The following PRKN variants were observed in gnomAD, a reference collection of about 807,000 sequenced individuals.
PRKN encodes E3 ubiquitin-protein ligase parkin.
A neutral mutation model predicts 59.5 loss-of-function variants in PRKN; 56 were observed. The observed-to-expected ratio is 0.94, with a 90% CI of 0.76 to 1.18. The LOEUF is 1.18. Among genes scored for constraint, PRKN ranks in the 50% most tolerant of loss-of-function variants. PRKN has a pLI of 0.00. For missense variants in PRKN, 657 were observed against 596.4 expected (o/e 1.10, Z -1.06); for synonymous variants, 250 against 222.1 (o/e 1.13, Z -1.12).
intron 2 of PRKN, among the ~76,000 whole-genome samples, chr6:162,396,772 A>T (rs537019403): frequency 6.6e-6 from 1 of 152,244 alleles, no homozygotes; most frequent in African/African-American, 2.4e-5. Flanking sequence ...ACACACATTT[A>T]TACAAAAGAA....
intron 2 of PRKN, among the ~76,000 whole-genome samples, chr6:162,400,213 A>C (rs1562734297): frequency 6.6e-6 from 1 of 152,050 alleles, no homozygotes; most frequent in African/African-American, 2.4e-5. Context: ...TCTCAAGAAA[A>C]AAACAAACAA....
At chr6:162,565,993 C>A (rs566611176) in intron 1 of PRKN, among the ~76,000 whole-genome samples, 1 of 152,026 alleles carries the variant, frequency 6.6e-6, no homozygotes, top group Admixed American at 6.6e-5. Flanking sequence ...AAAAAGGTCA[C>A]TATATAATGA....
intron 7 of PRKN, among the ~76,000 whole-genome samples, chr6:161,707,800 C>A (rs372358578): frequency 6.6e-6 from 1 of 152,260 alleles, no homozygotes; most frequent in African/African-American, 2.4e-5. Flanking sequence ...CCTACACCTC[C>A]GTCACTGCCT....
intron 1 of PRKN, among the ~76,000 whole-genome samples, chr6:162,648,928 G>A (rs893407987): frequency 6.6e-6 from 1 of 152,086 alleles, no homozygotes; most frequent in Admixed American, 6.5e-5. Flanking sequence ...AAACTTGGGG[G>A]TCCTCATCTA....
chr6:161,619,840 T>G (rs1429931825), intron 7 of PRKN, among the ~76,000 whole-genome samples: 1 of 152,176 alleles, frequency 6.6e-6, no homozygotes, highest in Non-Finnish European at 1.5e-5. Flanking sequence ...TCTCAATAAT[T>G]TTTACATCGA....
chr6:162,512,894 T>C (rs961226039), intron 1 of PRKN, among the ~76,000 whole-genome samples: 1 of 152,220 alleles, frequency 6.6e-6, no homozygotes, highest in Non-Finnish European at 1.5e-5. Flanking sequence ...AAGATCAGTC[T>C]AGCATACGGT....
intron 9 of PRKN, among the ~76,000 whole-genome samples, chr6:161,490,548 G>A (rs1003648849): frequency 2.0e-5 from 3 of 151,798 alleles, no homozygotes; most frequent in Admixed American, 1.3e-4. Flanking sequence ...GCACCACCAC[G>A]CTCAGCTAAT....
intron 5 of PRKN, among the ~76,000 whole-genome samples, chr6:161,994,187 TA>T (rs754123639): frequency 1.4e-5 from 2 of 145,488 alleles, no homozygotes; most frequent in Non-Finnish European, 3.0e-5. Context: ...AACAGATCAA[TA>T]AATGTGATAC....
chr6:161,542,664 T>C (rs1300310684), intron 9 of PRKN, among the ~76,000 whole-genome samples: 1 of 152,214 alleles, frequency 6.6e-6, no homozygotes, highest in Non-Finnish European at 1.5e-5. Flanking sequence ...ACTTTCTTTT[T>C]TAAAATGCTC....
chr6:161,856,998 G>A (rs1793683657), intron 6 of PRKN, among the ~76,000 whole-genome samples: 1 of 55,786 alleles, frequency 1.8e-5, no homozygotes, highest in Non-Finnish European at 4.0e-5. Context: ...GGGAGGCTGA[G>A]GCAGGTGGAT....
intron 2 of PRKN, among the ~76,000 whole-genome samples, chr6:162,336,961 G>C (rs1292525278): frequency 1.3e-5 from 2 of 152,154 alleles, no homozygotes; most frequent in African/African-American, 4.8e-5. Flanking sequence ...GGATTTTCTG[G>C]CTGTCCAGTT....
At chr6:161,975,145 G>C (rs1260628755) in intron 5 of PRKN, among the ~76,000 whole-genome samples, 2 of 149,296 alleles carry the variant, frequency 1.3e-5, no homozygotes, top group Non-Finnish European at 3.0e-5. Context: ...GAGTGCAGTG[G>C]CGCGATCTCA....
chr6:162,485,264 T>C (rs1792488966), intron 1 of PRKN, among the ~76,000 whole-genome samples: 1 of 152,180 alleles, frequency 6.6e-6, no homozygotes, highest in Non-Finnish European at 1.5e-5. Flanking sequence ...AGAGGAATGG[T>C]ACGTATTATT....
intron 7 of PRKN, among the ~76,000 whole-genome samples, chr6:161,606,997 T>C (rs368140233): frequency 1.2e-3 from 181 of 152,338 alleles, no homozygotes; most frequent in African/African-American, 4.2e-3. Flanking sequence ...GGGAATTACA[T>C]GGATGACTGC....
At chr6:161,887,314 C>T (rs1795190568) in intron 6 of PRKN, among the ~76,000 whole-genome samples, 1 of 152,080 alleles carries the variant, frequency 6.6e-6, no homozygotes, top group African/African-American at 2.4e-5. Flanking sequence ...AGATGCTGAG[C>T]AAAGAAATTA....
chr6:161,722,393 TCTC>T (rs1406307890), intron 7 of PRKN, among the ~76,000 whole-genome samples: 1 of 152,154 alleles, frequency 6.6e-6, no homozygotes, highest in Non-Finnish European at 1.5e-5. Flanking sequence ...AGCACAGAGT[TCTC>T]CTCCTAACAC....
chr6:162,005,179 A>G (rs1156535053), intron 5 of PRKN, among the ~76,000 whole-genome samples: 4 of 152,218 alleles, frequency 2.6e-5, no homozygotes, highest in African/African-American at 7.2e-5. Flanking sequence ...AAATGACAAC[A>G]TATTTCAAGC....
chr6:161,887,158 T>G (rs1028154846), intron 6 of PRKN, among the ~76,000 whole-genome samples: 8 of 152,216 alleles, frequency 5.3e-5, no homozygotes, highest in African/African-American at 1.9e-4. Flanking sequence ...ACATAGTTTC[T>G]TGCATTAAAA....
At chr6:162,185,313 G>A (rs6934514) in intron 4 of PRKN, among the ~76,000 whole-genome samples, 96,772 of 151,968 alleles carry the variant, frequency 0.64, 31,870 homozygotes, top group Non-Finnish European at 0.73. Context: ...ATAAACTTGA[G>A]TAATATATAG....
Sources: allele counts gnomAD v4.1 joint callset (sites outside exome capture counted in the v4.1 genomes callset), GRCh38; gene constraint gnomAD v4.1.1; transcripts MANE v1.5; gene names NCBI Gene and HGNC (gene_info 2026-07-23, HGNC 2026-07-21).